HPCAL1: variants seen among roughly 807,000 people sequenced by gnomAD.
HPCAL1 encodes hippocalcin-like protein 1.
A neutral mutation model predicts 17.1 loss-of-function variants in HPCAL1; 8 were observed. The observed-to-expected ratio is 0.47, with a 90% CI of 0.27 to 0.84. The LOEUF is 0.84. Ranked by LOEUF, HPCAL1 falls within the 40% of genes least tolerant of loss-of-function variation. The pLI, the probability that HPCAL1 is intolerant of heterozygous loss-of-function variation, is 0.13. For synonymous variants in HPCAL1, 112 were observed against 111.4 expected, an observed-to-expected ratio of 1.01 and a Z score of -0.03; for missense variants, 165 against 271.1, an observed-to-expected ratio of 0.61 and a Z score of 2.75.
At chr2:10,356,288 A>G (rs1666149294) in intron 1 of HPCAL1, among the ~76,000 whole-genome samples, 1 of 152,152 alleles carries the variant, frequency 6.6e-6, no homozygotes, top group African/African-American at 2.4e-5. Flanking sequence ...GTGCAGCATG[A>G]GAGTGTTAAA....
intron 2 of HPCAL1, among the ~76,000 whole-genome samples, chr2:10,405,364 G>A (rs1366481737): frequency 6.6e-6 from 1 of 152,252 alleles, no homozygotes; most frequent in African/African-American, 2.4e-5. Context: ...GCCCAGCCTT[G>A]CCTGACTCCA....
At chr2:10,366,144 A>C (rs967015365) in intron 1 of HPCAL1, among the ~76,000 whole-genome samples, 1 of 152,220 alleles carries the variant, frequency 6.6e-6, no homozygotes, top group African/African-American at 2.4e-5. Context: ...CTGGCCTCTC[A>C]GCACAGCACC....
intron 1 of HPCAL1, among the ~76,000 whole-genome samples, chr2:10,389,827 A>C (rs1171136369): frequency 6.6e-6 from 1 of 152,200 alleles, no homozygotes; most frequent in Non-Finnish European, 1.5e-5. Context: ...GGCTGGGACA[A>C]ATTGTGCAGC....
intron 1 of HPCAL1, among the ~76,000 whole-genome samples, chr2:10,376,414 T>G (rs1667562099): frequency 6.6e-6 from 1 of 150,556 alleles, no homozygotes; most frequent in Non-Finnish European, 1.5e-5. Context: ...AAGTATACCT[T>G]AATAAACTTG....
In HPCAL1 at chr2:10,304,133, G is replaced by A. The variant is rs899846100; in HGVS notation, c.-111+956G>A. Among the ~76,000 whole-genome samples the A allele has an allele frequency of 1.3e-5, 2 of 152,330 alleles. No homozygotes were observed. Among genetic ancestry groups the A allele is most frequent in the Admixed American group, 6.5e-5 (1 of 15,308 alleles). ...CGCTGCCTCCTGCAGCACCTCCCGGGCGGCGCCGCCTCCGCGAGTGCCCGA... is the reference window on the plus strand; with the variant it reads ...CGCTGCCTCCTGCAGCACCTCCCGGACGGCGCCGCCTCCGCGAGTGCCCGA... On this transcript the variant is annotated intron_variant, in intron 1 of 4. Transcript: ENST00000307845. This position sits in a 1 kb window ranked among gnomAD's most constrained non-coding sequence, Gnocchi z 4.1.
At chr2:10,325,499 T>C (rs558524603) in intron 1 of HPCAL1, among the ~76,000 whole-genome samples, 1 of 152,200 alleles carries the variant, frequency 6.6e-6, no homozygotes, top group South Asian at 2.1e-4. Context: ...GTGGCACTGT[T>C]CTCCCTGTGC....
At chr2:10,372,758 CG>C (rs1307501718) in intron 1 of HPCAL1, among the ~76,000 whole-genome samples, 1 of 152,216 alleles carries the variant, frequency 6.6e-6, no homozygotes, top group Non-Finnish European at 1.5e-5. Flanking sequence ...CCTGTGGAGA[CG>C]GTGACAGCTG....
rs530281274 is a variant in HPCAL1 at position 10,310,943 on chromosome 2, G to C, written c.-111+7766G>C. Among the ~76,000 whole-genome samples the C allele has an allele frequency of 6.6e-6, 1 of 152,260 alleles. No individual in the cohort carries two copies. Among genetic ancestry groups the C allele is most frequent in the African/African-American group, 2.4e-5 (1 of 41,544 alleles). ...CCTTTCACTCCCATCTTTTCTATTT[G>C]CTGCCCTGTAATCAATTTTTGGAGA... On this transcript the variant is annotated intron_variant, in intron 1 of 4. Transcript: ENST00000307845. This position sits in a 1 kb window ranked among gnomAD's most constrained non-coding sequence, Gnocchi z 4.5.
rs145447155 is a variant in HPCAL1 at position 10,363,000 on chromosome 2, A to G, written c.-110-33835A>G. ...GGTTCTCTCAGTGACTCACGCCTGT[A>G]ATCTCAGCATTTTGGGAGGCCAAGG... On this transcript the variant is annotated intron_variant, in intron 1 of 4. Coordinates refer to ENST00000307845, the MANE Select transcript of HPCAL1 (RefSeq NM_002149.4). This position sits in a 1 kb window ranked among gnomAD's most constrained non-coding sequence, Gnocchi z 5.0. Among the ~76,000 whole-genome samples the G allele has an allele frequency of 6.6e-6, 1 of 152,326 alleles. No individual in the cohort carries two copies. The highest frequency in any genetic ancestry group is 6.5e-5 in the Admixed American group (1 of 15,296).
Position 10,314,649 on chromosome 2 carries a change from G to A in HPCAL1, c.-111+11472G>A, listed in dbSNP as rs16856103. On this transcript the variant is annotated intron_variant, in intron 1 of 4. Transcript: ENST00000307845. ...TCATTATAATGATGTCTTTATGTTC[G>A]TCTTAGGAGGTGATAGTACTGATTA... Among the ~76,000 whole-genome samples, 1,083 of 152,222 alleles carry A rather than the reference G, an allele frequency of 7.1e-3. 7 individuals are homozygous for A. The highest frequency in any genetic ancestry group is 0.024 in the African/African-American group (1,012 of 41,518).
intron 2 of HPCAL1, among the ~76,000 whole-genome samples, chr2:10,397,511 G>GC (rs1344454440): frequency 2.0e-5 from 3 of 152,324 alleles, no homozygotes; most frequent in Non-Finnish European, 2.9e-5. Context: ...CCACCCTGCA[G>GC]CCCCCCAGGC....
intron 1 of HPCAL1, among the ~76,000 whole-genome samples, chr2:10,348,848 G>A (rs576596870): frequency 3.9e-5 from 6 of 152,252 alleles, no homozygotes; most frequent in East Asian, 1.9e-4. Context: ...TATGATGTTC[G>A]TTGAACCCAT....
rs1669355229 is a variant in HPCAL1 at position 10,399,373 on chromosome 2, C to CCACCACCACCACCAT, written c.-25+2467_-25+2468insTCACCACCACCACCA. 4.6e-5 allele frequency among the ~76,000 whole-genome samples: 2 copies of CCACCACCACCACCAT among 43,716 alleles called. 1 individual carries two copies. The allele number at this position is 43,716 out of a possible 152,430, so 28.7% of individuals were successfully genotyped here. ...ACCATCACCACCACTACCATCATCA[C>CCACCACCACCACCAT]CACCACCACCACCACCACCACCATC... On this transcript the variant is annotated intron_variant, in intron 2 of 4. Transcript: ENST00000307845.
chr2:10,414,853 C>T (rs777762648), intron 2 of HPCAL1, among the ~76,000 whole-genome samples: 3 of 152,200 alleles, frequency 2.0e-5, no homozygotes, highest in Non-Finnish European at 2.9e-5. Flanking sequence ...TTCTCACGTA[C>T]TGGTCCATTC....
rs568991296 is a variant in HPCAL1, at chr2:10,359,129, C to T, written c.-110-37706C>T. Among the ~76,000 whole-genome samples the T allele has an allele frequency of 1.3e-5, 2 of 152,284 alleles. No individual in the cohort carries two copies. Among genetic ancestry groups the T allele is most frequent in the African/African-American group, 4.8e-5 (2 of 41,554 alleles). On this transcript the variant is annotated intron_variant, in intron 1 of 4. Coordinates refer to ENST00000307845, the MANE Select transcript of HPCAL1 (RefSeq NM_002149.4). The surrounding 1 kb of genome is among the most constrained non-coding windows in gnomAD (Gnocchi z 4.1). ...GGGACACTGACGAAGCGAGCCATAC[C>T]CCCATCACATGCCCTTTGAGGGGGA...
At chr2:10,333,112 G>A (rs1203465226) in intron 1 of HPCAL1, among the ~76,000 whole-genome samples, 3 of 152,202 alleles carry the variant, frequency 2.0e-5, no homozygotes, top group East Asian at 1.9e-4. Context: ...ACCTGCTGAC[G>A]ATCTCTGCAC....
intron 1 of HPCAL1, among the ~76,000 whole-genome samples, chr2:10,386,813 C>T (rs1668345218): frequency 1.3e-5 from 2 of 152,346 alleles, no homozygotes; most frequent in South Asian, 4.1e-4. Flanking sequence ...CATGGACCCA[C>T]CTCAGGCCCT....
chr2:10,338,455 A>G (rs1467158164), intron 1 of HPCAL1, among the ~76,000 whole-genome samples: 1 of 152,276 alleles, frequency 6.6e-6, no homozygotes, highest in East Asian at 1.9e-4. Context: ...CAGTCTTCCC[A>G]TCTGTGAAGT....
chr2:10,313,418 T>C (rs1479844944), intron 1 of HPCAL1, among the ~76,000 whole-genome samples: 1 of 152,222 alleles, frequency 6.6e-6, no homozygotes, highest in Non-Finnish European at 1.5e-5. Context: ...TCCTTAACTG[T>C]AGGATGGCGG....
Sources: gnomAD v4.1 joint callset for allele counts (sites outside exome capture counted in the v4.1 genomes callset) on GRCh38, gnomAD v4.1.1 for gene constraint, Gnocchi (gnomAD v3.1) non-coding constraint, MANE v1.5 for transcripts, NCBI Gene and HGNC (gene_info 2026-07-23, HGNC 2026-07-21) for gene names.